The following EYA2 variants were observed in gnomAD, a reference collection of about 807,000 sequenced individuals.
EYA2 encodes EYA transcriptional coactivator and phosphatase 2, also known as protein phosphatase EYA2.
EYA2 carries 31 observed loss-of-function variants against 69.2 expected under a neutral mutation model. The observed-to-expected ratio is 0.45, with a 90% confidence interval of 0.34 to 0.60. The LOEUF (loss-of-function observed/expected upper bound fraction) is 0.60, where lower values mean the gene tolerates loss of function less well. EYA2 is among the 20% of genes least tolerant of loss of function. EYA2 has a pLI of 0.02. For missense variants in EYA2, 622 were observed against 701.2 expected, an observed-to-expected ratio of 0.89 and a Z score of 1.28; for synonymous variants, 257 against 279.4, an observed-to-expected ratio of 0.92 and a Z score of 0.80.
At chr20:46,937,625 A>G (rs1474928014) in intron 1 of EYA2, among the ~76,000 whole-genome samples, 2 of 149,208 alleles carry the variant, frequency 1.3e-5, no homozygotes, top group Non-Finnish European at 3.0e-5. Context: ...TGAGAGTCCA[A>G]TGCACACATT....
At chr20:47,147,660 G>C (rs1436287927) in intron 10 of EYA2, among the ~76,000 whole-genome samples, 1 of 152,192 alleles carries the variant, frequency 6.6e-6, no homozygotes, top group Non-Finnish European at 1.5e-5. Context: ...GCCTCTGGCT[G>C]CCTGGTGGAG....
At chr20:46,911,931 A>G (rs996438505) in intron 1 of EYA2, among the ~76,000 whole-genome samples, 1 of 152,232 alleles carries the variant, frequency 6.6e-6, no homozygotes, top group Non-Finnish European at 1.5e-5. Context: ...GGAAGAAAAG[A>G]TTGAAATGTT....
chr20:47,043,761 C>A (rs1301941707), intron 5 of EYA2, among the ~76,000 whole-genome samples: 1 of 152,180 alleles, frequency 6.6e-6, no homozygotes, highest in Non-Finnish European at 1.5e-5. Context: ...ATAATAAGTT[C>A]TCAATCTTAC....
At chr20:47,172,910 T>C (rs759374415) in intron 12 of EYA2, 43 bp downstream of exon 12, 36 of 1,572,990 alleles carry the variant, frequency 2.3e-5, no homozygotes, top group Non-Finnish European at 2.7e-5. Flanking sequence ...GGGAAACTCA[T>C]TGGGATGGAT....
At chr20:46,997,139 G>A (rs1439185885) in intron 2 of EYA2, among the ~76,000 whole-genome samples, 1 of 152,200 alleles carries the variant, frequency 6.6e-6, no homozygotes, top group Non-Finnish European at 1.5e-5. Context: ...GAAGGATGAA[G>A]CTGACATGTG....
At chr20:47,051,350 G>A (rs528318052) in intron 5 of EYA2, among the ~76,000 whole-genome samples, 82 of 152,322 alleles carry the variant, frequency 5.4e-4, no homozygotes, top group African/African-American at 1.9e-3. Flanking sequence ...AGAAGTAGGG[G>A]GGCGGATTTT....
chr20:47,105,633 A>AAAAG (rs1255926983), intron 9 of EYA2, among the ~76,000 whole-genome samples: 1 of 150,988 alleles, frequency 6.6e-6, no homozygotes, highest in African/African-American at 2.4e-5. Flanking sequence ...CCAAAAAAAA[A>AAAAG]AAAAAAAGGA....
chr20:47,057,206 C>T (rs1265669623), intron 5 of EYA2, among the ~76,000 whole-genome samples: 1 of 151,292 alleles, frequency 6.6e-6, no homozygotes. Context: ...ACTAGGCACT[C>T]AACAAAGATG....
chr20:47,052,275 A>G (rs2030379962), intron 5 of EYA2, among the ~76,000 whole-genome samples: 1 of 152,170 alleles, frequency 6.6e-6, no homozygotes, highest in South Asian at 2.1e-4. Flanking sequence ...TGGGGGGAGC[A>G]TGGGGGCTGC....
intron 9 of EYA2, among the ~76,000 whole-genome samples, chr20:47,130,127 C>A (rs1385223540): frequency 6.6e-6 from 1 of 151,902 alleles, no homozygotes; most frequent in Non-Finnish European, 1.5e-5. Flanking sequence ...TGAAATAAAT[C>A]TCTTAAAATG....
At chr20:47,085,799 T>C (rs781177847) in intron 7 of EYA2, among the ~76,000 whole-genome samples, 1 of 152,158 alleles carries the variant, frequency 6.6e-6, no homozygotes, top group Non-Finnish European at 1.5e-5. Context: ...CCAAAGTCTA[T>C]AGTGAAAGAA....
At chr20:47,004,220 A>G (rs1982550873) in intron 3 of EYA2, among the ~76,000 whole-genome samples, 2 of 152,232 alleles carry the variant, frequency 1.3e-5, no homozygotes, top group South Asian at 2.1e-4. Context: ...AAATGAAATA[A>G]TCAGGCCTCG....
In EYA2 at chr20:47,180,906, A is replaced by G. The variant is rs2069663088; in HGVS notation, c.1405A>G (p.Ile469Val). The change falls in exon 14 of 16, where the codon ATT becomes GTT. Residue 469 changes from isoleucine (I) to valine (V), a missense_variant. Transcript: ENST00000327619. ...LLYGLGSVFPIENIYSATKTG... is the reference protein window; with the variant it reads ...LLYGLGSVFPVENIYSATKTG... ...ATATGGCCTGGGGTCTGTGTTTCCT[A>G]TTGAGAACATCTACAGTGCAACCAA... The G allele has an allele frequency of 3.1e-6, 5 of 1,613,998 alleles. No individual in the cohort carries two copies. The highest frequency in any genetic ancestry group is 3.4e-6 in the Non-Finnish European group (4 of 1,180,034).
At chr20:46,983,395 G>C (rs924783735) in intron 1 of EYA2, among the ~76,000 whole-genome samples, 1 of 152,148 alleles carries the variant, frequency 6.6e-6, no homozygotes, top group African/African-American at 2.4e-5. Flanking sequence ...AGATTGAGAT[G>C]ACTCAAGGCA....
chr20:47,068,841 A>G (rs1183798513), intron 5 of EYA2, among the ~76,000 whole-genome samples: 1 of 152,138 alleles, frequency 6.6e-6, no homozygotes, highest in Non-Finnish European at 1.5e-5. Context: ...TGTGGGCTCT[A>G]GAAGCTTCTT....
chr20:47,085,079 C>G (rs1387634774), intron 7 of EYA2, among the ~76,000 whole-genome samples: 1 of 151,794 alleles, frequency 6.6e-6, no homozygotes, highest in African/African-American at 2.4e-5. Flanking sequence ...TCAAGCAATT[C>G]TCTCACCTTG....
intron 9 of EYA2, chr20:47,117,344 C>T (rs1323672698): frequency 1.0e-6 from 1 of 983,270 alleles, no homozygotes; most frequent in Non-Finnish European, 1.2e-6. Flanking sequence ...CCAGGCCATC[C>T]TTTCACACAT....
intron 1 of EYA2, among the ~76,000 whole-genome samples, chr20:46,909,147 A>G (rs910307906): frequency 6.6e-6 from 1 of 151,932 alleles, no homozygotes; most frequent in African/African-American, 2.4e-5. Context: ...TTATTATGTC[A>G]TCTGGGGTTG....
chr20:47,027,195 T>G (rs573170224), intron 5 of EYA2, among the ~76,000 whole-genome samples: 1 of 152,330 alleles, frequency 6.6e-6, no homozygotes, highest in African/African-American at 2.4e-5. Context: ...CCCAGTGGCC[T>G]CCTCATGGTG....
Sources: gnomAD v4.1 joint callset for allele counts (sites outside exome capture counted in the v4.1 genomes callset) on GRCh38, gnomAD v4.1.1 for gene constraint, MANE v1.5 for transcripts, NCBI Gene and HGNC (gene_info 2026-07-23, HGNC 2026-07-21) for gene names.